The following STXBP5 variants were observed in gnomAD, a reference collection of about 807,000 sequenced individuals.
The protein encoded by STXBP5 is syntaxin-binding protein 5.
In STXBP5, 50 loss-of-function variants were observed where a neutral mutation model predicts 152.4. The observed-to-expected ratio is 0.33, with a 90% CI of 0.26 to 0.42. STXBP5 has a LOEUF of 0.42. Among genes scored for constraint, STXBP5 ranks in the 10% least tolerant of loss-of-function variants. The pLI is 1.00. For missense variants in STXBP5, 1,167 were observed against 1,388.6 expected (o/e 0.84, Z 2.54); for synonymous variants, 492 against 494.7 (o/e 0.99, Z 0.07).
intron 16 of STXBP5, among the ~76,000 whole-genome samples, chr6:147,321,396 G>T (rs889351364): frequency 3.3e-5 from 5 of 152,070 alleles, no homozygotes; most frequent in Non-Finnish European, 5.9e-5. Context: ...AGACCAGTCT[G>T]GATAACATAG....
At chr6:147,209,978 A>C (rs1776765957) in intron 2 of STXBP5, among the ~76,000 whole-genome samples, 1 of 152,212 alleles carries the variant, frequency 6.6e-6, no homozygotes, top group Non-Finnish European at 1.5e-5. Flanking sequence ...CATGATATTC[A>C]GTTAGGAATC....
At chr6:147,332,565 A>G (rs112779542) in intron 18 of STXBP5, among the ~76,000 whole-genome samples, 20 of 152,202 alleles carry the variant, frequency 1.3e-4, no homozygotes, top group African/African-American at 4.1e-4. Flanking sequence ...AGTTCAAGGA[A>G]CAATGAGGAG....
chr6:147,329,636 TTTTTTTTG>T (rs1783456780), intron 18 of STXBP5, among the ~76,000 whole-genome samples: 1 of 137,958 alleles, frequency 7.2e-6, no homozygotes, highest in Admixed American at 7.4e-5. Context: ...TTTTTTTTTT[TTTTTTTTG>T]AGACGGAGTC....
intron 16 of STXBP5, 53 bp from the exon 17 acceptor site, chr6:147,324,906 A>G: frequency 2.2e-6 from 3 of 1,371,318 alleles, no homozygotes; most frequent in East Asian, 2.6e-5. Context: ...TTATAATCAT[A>G]TAGGCCAATA....
At chr6:147,217,967 G>A (rs1476607699) in intron 2 of STXBP5, among the ~76,000 whole-genome samples, 1 of 152,162 alleles carries the variant, frequency 6.6e-6, no homozygotes, top group Non-Finnish European at 1.5e-5. Flanking sequence ...TAAGCATTGA[G>A]TAAGCAGTAA....
intron 4 of STXBP5, among the ~76,000 whole-genome samples, chr6:147,241,451 C>A (rs1778537825): frequency 6.6e-6 from 1 of 152,064 alleles, no homozygotes; most frequent in Non-Finnish European, 1.5e-5. Flanking sequence ...TTATCCATAC[C>A]CCTGTCAGCC....
At position 147,287,077 on chromosome 6, in the gene STXBP5, A is replaced by G. The variant is rs558438539; in HGVS notation, c.839-4017A>G. Among the ~76,000 whole-genome samples the G allele has an allele frequency of 2.4e-4, 37 of 151,416 alleles. No homozygotes were observed. In the South Asian group the frequency reaches 7.5e-3, roughly 31 times the overall value. ...TTTATGAGGTACATGAGATATTTTGATACAGGCATACAGTGTGAAATAAGC... is the reference window on the plus strand; with the variant it reads ...TTTATGAGGTACATGAGATATTTTGGTACAGGCATACAGTGTGAAATAAGC... On this transcript the variant is annotated intron_variant, in intron 8 of 27. Coordinates refer to ENST00000321680, the MANE Select transcript of STXBP5 (RefSeq NM_001127715.4).
intron 9 of STXBP5, chr6:147,292,296 C>T (rs1781318685): frequency 2.2e-6 from 1 of 446,586 alleles, no homozygotes; most frequent in Non-Finnish European, 4.5e-6. Flanking sequence ...AGCTATATTC[C>T]AACAATAGAT....
chr6:147,262,374 T>A, intron 6 of STXBP5, 21 bp downstream of exon 6: 1 of 1,440,286 alleles, frequency 6.9e-7, no homozygotes. Context: ...TTGTAAAAAA[T>A]TATATATTAA....
intron 9 of STXBP5, among the ~76,000 whole-genome samples, chr6:147,308,464 T>G (rs574315153): frequency 6.6e-6 from 1 of 152,304 alleles, no homozygotes; most frequent in South Asian, 2.1e-4. Context: ...CATTCATTCC[T>G]TTGAAACAAT....
At chr6:147,373,334 C>A (rs1785649260) in intron 25 of STXBP5, among the ~76,000 whole-genome samples, 1 of 140,746 alleles carries the variant, frequency 7.1e-6, no homozygotes, top group Admixed American at 7.5e-5. Context: ...TCACTGCACT[C>A]CAACCTGGGT....
rs1221275549 is a variant in STXBP5, at chr6:147,353,391, T to G, written c.2305+18T>G. On this transcript the variant is annotated intron_variant, in intron 22 of 27. Coordinates refer to ENST00000321680, the MANE Select transcript of STXBP5 (RefSeq NM_001127715.4). Reference sequence around the variant, plus strand: ...TGATTTAGGTAAGTAAAATAAATATTCAAAATAATTTAACTCCCTATAATG... The same window carrying G: ...TGATTTAGGTAAGTAAAATAAATATGCAAAATAATTTAACTCCCTATAATG... 9 of 1,523,016 alleles carry G rather than the reference T, an allele frequency of 5.9e-6. No homozygotes were observed. The highest frequency in any genetic ancestry group is 7.1e-6 in the Non-Finnish European group (8 of 1,122,542). 94.3% of individuals were successfully genotyped at this position (1,523,016 alleles called of 1,614,324 possible). A position where few individuals can be genotyped will look rare whatever the true frequency, so the allele number is the denominator to read the frequency against.
chr6:147,236,008 G>A (rs1242800640), intron 3 of STXBP5, among the ~76,000 whole-genome samples: 2 of 152,138 alleles, frequency 1.3e-5, no homozygotes, highest in African/African-American at 2.4e-5. Context: ...TTAGATATGA[G>A]GATAGATTGT....
intron 9 of STXBP5, chr6:147,293,370 ATTC>A (rs1781372240): frequency 6.6e-6 from 1 of 152,196 alleles, no homozygotes; most frequent in South Asian, 2.1e-4. Flanking sequence ...AATTCAACAT[ATTC>A]TTCTTTTCTC....
chr6:147,311,403 T>C, intron 10 of STXBP5, 52 bp from the exon 11 acceptor site: 1 of 1,416,370 alleles, frequency 7.1e-7, no homozygotes, highest in East Asian at 2.3e-5. Flanking sequence ...TTATCTAATT[T>C]GCTGTCCACT....
intron 25 of STXBP5, among the ~76,000 whole-genome samples, chr6:147,367,702 T>A (rs1362574911): frequency 1.3e-5 from 2 of 150,608 alleles, no homozygotes; most frequent in Non-Finnish European, 3.0e-5. Flanking sequence ...AGAAAAAAAA[T>A]AATAAACATC....
At chr6:147,247,249 T>C (rs1437409624) in intron 4 of STXBP5, among the ~76,000 whole-genome samples, 1 of 152,190 alleles carries the variant, frequency 6.6e-6, no homozygotes, top group Non-Finnish European at 1.5e-5. Flanking sequence ...CATAACATTA[T>C]CAAAATTCGT....
chr6:147,353,728 A>G (rs1784693774), intron 22 of STXBP5, among the ~76,000 whole-genome samples: 3 of 152,190 alleles, frequency 2.0e-5, no homozygotes, highest in Admixed American at 2.0e-4. Flanking sequence ...TTATAAAATT[A>G]TTTTTATACT....
chr6:147,371,459 T>C (rs1785536635), intron 25 of STXBP5, among the ~76,000 whole-genome samples: 1 of 152,144 alleles, frequency 6.6e-6, no homozygotes, highest in Non-Finnish European at 1.5e-5. Flanking sequence ...CTTCTGTACA[T>C]ACACTATTGA....
Sources: gnomAD v4.1 joint callset for allele counts (sites outside exome capture counted in the v4.1 genomes callset) on GRCh38, gnomAD v4.1.1 for gene constraint, MANE v1.5 for transcripts, NCBI Gene and HGNC (gene_info 2026-07-23, HGNC 2026-07-21) for gene names.